The following TMSB15B variants were observed in gnomAD, a reference collection of about 807,000 sequenced individuals.
The protein encoded by TMSB15B is thymosin beta 15B.
chrX:103,941,031 T>C (rs1437045853), intron 1 of TMSB15B, among the ~76,000 whole-genome samples: 2 of 111,157 alleles, frequency 1.8e-5, no homozygotes, highest in East Asian at 2.9e-4. Context: ...TCGCCCTCCG[T>C]GGGCTGCACC....
intron 1 of TMSB15B, among the ~76,000 whole-genome samples, chrX:103,953,335 G>A (rs1160944451): frequency 8.9e-6 from 1 of 111,904 alleles, no homozygotes; most frequent in African/African-American, 3.3e-5. Context: ...CTGGCTATCC[G>A]GGCATCCTAG....
chrX:103,936,785 G>C (rs1264361679), intron 1 of TMSB15B, among the ~76,000 whole-genome samples: 1 of 112,157 alleles, frequency 8.9e-6, no homozygotes, highest in East Asian at 2.8e-4. Flanking sequence ...CTGTGGGTTT[G>C]TCATAAATAG....
chrX:103,954,282 C>T (rs1378929746), intron 1 of TMSB15B, among the ~76,000 whole-genome samples: 13 of 112,023 alleles, frequency 1.2e-4, no homozygotes, highest in South Asian at 7.5e-4. Context: ...GCACATCAGA[C>T]GGGGCTGGTC....
At chrX:103,953,299 A>C (rs1556328613) in intron 1 of TMSB15B, among the ~76,000 whole-genome samples, 1 of 111,926 alleles carries the variant, frequency 8.9e-6, no homozygotes, top group Non-Finnish European at 1.9e-5. Context: ...GCGGACATGC[A>C]TGGAGAACCA....
intron 1 of TMSB15B, among the ~76,000 whole-genome samples, chrX:103,930,472 C>T (rs2074981560): frequency 9.0e-6 from 1 of 110,879 alleles, no homozygotes; most frequent in Admixed American, 9.7e-5. Context: ...TCCCACTAGA[C>T]CGTAAAACTT....
At chrX:103,934,948 C>T (rs189542320) in intron 1 of TMSB15B, among the ~76,000 whole-genome samples, 50 of 112,231 alleles carry the variant, frequency 4.5e-4, no homozygotes, top group African/African-American at 1.5e-3. Flanking sequence ...CTAATTTATA[C>T]ACCCACCAAC....
At chrX:103,949,919 CTG>C (rs782153287) in intron 1 of TMSB15B, among the ~76,000 whole-genome samples, 18 of 111,676 alleles carry the variant, frequency 1.6e-4, no homozygotes, top group Admixed American at 3.8e-4. Flanking sequence ...GTAAAGGAAA[CTG>C]AGAAGAAGCA....
intron 1 of TMSB15B, among the ~76,000 whole-genome samples, chrX:103,945,153 G>T (rs529873964): frequency 8.9e-6 from 1 of 112,679 alleles, no homozygotes; most frequent in Admixed American, 9.4e-5. Flanking sequence ...TTGAGAGCAG[G>T]CACTTTATTT....
intron 1 of TMSB15B, among the ~76,000 whole-genome samples, chrX:103,938,694 A>G (rs2075005108): frequency 1.8e-5 from 2 of 111,966 alleles, no homozygotes; most frequent in Admixed American, 1.9e-4. Flanking sequence ...TGATCCTGTC[A>G]TTAGGATGCT....
chrX:103,925,007 A>G (rs1224187734), intron 1 of TMSB15B, among the ~76,000 whole-genome samples: 2 of 112,201 alleles, frequency 1.8e-5, no homozygotes, highest in Non-Finnish European at 3.8e-5. Flanking sequence ...ATGCCTCTTT[A>G]TCTGCTTCTG....
At chrX:103,955,667 G>A (rs1159435081) in intron 1 of TMSB15B, among the ~76,000 whole-genome samples, 1 of 111,297 alleles carries the variant, frequency 9.0e-6, no homozygotes, top group African/African-American at 3.3e-5. Context: ...ATCTACGACT[G>A]CTTGGTGTAC....
chrX:103,924,887 T>C (rs782711816), intron 1 of TMSB15B, among the ~76,000 whole-genome samples: 7 of 111,221 alleles, frequency 6.3e-5, no homozygotes, highest in Non-Finnish European at 1.3e-4. Flanking sequence ...GTCTGTACTT[T>C]GAATTCATGT....
At chrX:103,946,632 A>G (rs1556327457) in intron 1 of TMSB15B, among the ~76,000 whole-genome samples, 1 of 112,147 alleles carries the variant, frequency 8.9e-6, no homozygotes, top group African/African-American at 3.2e-5. Context: ...AAATTGTTAT[A>G]TGAAAGAAGT....
At chrX:103,921,277 G>T (rs575424086) in intron 1 of TMSB15B, among the ~76,000 whole-genome samples, 2 of 111,975 alleles carry the variant, frequency 1.8e-5, no homozygotes, top group African/African-American at 6.5e-5. Flanking sequence ...CACACTTAGG[G>T]GTGATGGTGG....
intron 1 of TMSB15B, among the ~76,000 whole-genome samples, chrX:103,921,774 T>C (rs1180918843): frequency 3.6e-5 from 4 of 112,509 alleles, no homozygotes; most frequent in Non-Finnish European, 7.5e-5. Flanking sequence ...GAACTTTCTA[T>C]CTGTTATCTC....
At chrX:103,934,135 C>T (rs1198648663) in intron 1 of TMSB15B, among the ~76,000 whole-genome samples, 1 of 110,922 alleles carries the variant, frequency 9.0e-6, no homozygotes, top group Admixed American at 9.6e-5. Flanking sequence ...TCTCTTCATT[C>T]GCCCCTCTGC....
At chrX:103,941,291 A>G (rs2075012143) in intron 1 of TMSB15B, among the ~76,000 whole-genome samples, 1 of 112,395 alleles carries the variant, frequency 8.9e-6, no homozygotes, top group Non-Finnish European at 1.9e-5. Context: ...GATCTTGTGA[A>G]TAGTGCTGCA....
intron 1 of TMSB15B, among the ~76,000 whole-genome samples, chrX:103,926,854 C>T (rs188869734): frequency 7.4e-5 from 8 of 108,713 alleles, no homozygotes; most frequent in South Asian, 8.3e-4. Flanking sequence ...GATGGAAGCC[C>T]TCCAGCCTGG....
chrX:103,919,600 T>A (rs1332607843), intron 1 of TMSB15B: 5 of 111,394 alleles, frequency 4.5e-5, no homozygotes, highest in African/African-American at 6.5e-5. Context: ...AAGAGCTCAC[T>A]CCCAAGTCAA....
Sources: gnomAD v4.1 joint callset for allele counts (sites outside exome capture counted in the v4.1 genomes callset) on GRCh38, gnomAD v4.1.1 for gene constraint, MANE v1.5 for transcripts, NCBI Gene and HGNC (gene_info 2026-07-23, HGNC 2026-07-21) for gene names.